Variants in ACOXL observed in about 807,000 individuals in gnomAD.
ACOXL encodes acyl-coenzyme A oxidase-like protein.
Under a neutral mutation model 71.9 loss-of-function variants are expected in ACOXL, and 70 were observed. The observed-to-expected ratio is 0.97, with a 90% CI of 0.80 to 1.19. The LOEUF (loss-of-function observed/expected upper bound fraction) is 1.19. Ranked by LOEUF, ACOXL falls within the 50% of genes most tolerant of loss-of-function variation. The pLI is 0.00. For synonymous variants in ACOXL, 253 were observed against 281.6 expected (o/e 0.90, Z 1.02); for missense variants, 703 against 736.3 (o/e 0.95, Z 0.52).
chr2:111,094,145 T>C (rs1406318300), intron 17 of ACOXL: 1 of 152,076 alleles, frequency 6.6e-6, no homozygotes, highest in Non-Finnish European at 1.5e-5. Flanking sequence ...TAATAAACAA[T>C]AAAGACTTTA....
At chr2:110,808,932 C>G (rs1477176521) in intron 9 of ACOXL, among the ~76,000 whole-genome samples, 1 of 152,240 alleles carries the variant, frequency 6.6e-6, no homozygotes, top group Admixed American at 6.5e-5. Context: ...CAGCTTCACA[C>G]ACAGGGCTGG....
At chr2:110,962,356 G>T (rs749399872) in intron 12 of ACOXL, among the ~76,000 whole-genome samples, 2 of 152,228 alleles carry the variant, frequency 1.3e-5, no homozygotes, top group African/African-American at 4.8e-5. Context: ...TTATTATGGG[G>T]TGGGGGGAAG....
intron 1 of ACOXL, among the ~76,000 whole-genome samples, chr2:110,760,022 A>G (rs183048416): frequency 6.6e-6 from 1 of 152,038 alleles, no homozygotes; most frequent in African/African-American, 2.4e-5. Flanking sequence ...TCTGTATAAA[A>G]GCTATTGATT....
At position 110,995,881 on chromosome 2, in the gene ACOXL, A is replaced by G. The variant is rs577738042; in HGVS notation, c.1170-12A>G. On this transcript the variant is annotated splice_polypyrimidine_tract_variant and intron_variant, in intron 13 of 17. Coordinates refer to ENST00000439055, the MANE Select transcript of ACOXL (RefSeq NM_001142807.4). ...CAAAATAATAATGATGGTCACCGTGATTTTCTTTCAGTTTCCTGGCATTTA... is the reference window on the plus strand; with the variant it reads ...CAAAATAATAATGATGGTCACCGTGGTTTTCTTTCAGTTTCCTGGCATTTA... The G allele has an allele frequency of 9.3e-6, 15 of 1,605,866 alleles. 1 individual carries two copies. The South Asian group carries it at 1.5e-4, about 16-fold the overall frequency.
intron 1 of ACOXL, among the ~76,000 whole-genome samples, chr2:110,738,292 T>C (rs1677113792): frequency 6.6e-6 from 1 of 152,224 alleles, no homozygotes; most frequent in Non-Finnish European, 1.5e-5. Context: ...CATGGAATAA[T>C]AACACACTGT....
chr2:110,850,982 AAAAG>A (rs1268597874), intron 10 of ACOXL, among the ~76,000 whole-genome samples: 8 of 152,302 alleles, frequency 5.3e-5, no homozygotes, highest in Non-Finnish European at 1.0e-4. Context: ...CTCAGCAATA[AAAAG>A]ACATTCTGCT....
At chr2:110,870,597 G>A (rs1365941405) in intron 10 of ACOXL, among the ~76,000 whole-genome samples, 1 of 152,084 alleles carries the variant, frequency 6.6e-6, no homozygotes, top group East Asian at 1.9e-4. Context: ...TAGAACCCAG[G>A]CATTCTGATT....
intron 12 of ACOXL, among the ~76,000 whole-genome samples, chr2:110,950,281 A>C (rs2061278610): frequency 6.6e-6 from 1 of 152,132 alleles, no homozygotes; most frequent in South Asian, 2.1e-4. Context: ...TGAGTGTCCT[A>C]GGTTAGTAGG....
At chr2:110,921,989 A>T (rs2060096537) in intron 11 of ACOXL, among the ~76,000 whole-genome samples, 1 of 152,194 alleles carries the variant, frequency 6.6e-6, no homozygotes, top group African/African-American at 2.4e-5. Context: ...TACACTTAAA[A>T]AGGATGTGTA....
intron 17 of ACOXL, among the ~76,000 whole-genome samples, chr2:111,107,723 T>C (rs1302298604): frequency 6.6e-6 from 1 of 152,224 alleles, no homozygotes; most frequent in Non-Finnish European, 1.5e-5. Context: ...CCCGATCTCA[T>C]GTGATCTGCC....
At position 110,987,203 on chromosome 2, in the gene ACOXL, C is replaced by G. The variant is rs1460278570; in HGVS notation, c.1155C>G (p.Asp385Glu). Residue 385 changes from aspartate to glutamate, a missense_variant, in exon 13 of 18, where the codon GAC becomes GAG. Transcript: ENST00000439055. ...AAAACTGGGCTGAATCTGTGGGGGA[C>G]AAGCTGAGAACCAGGTACGTATTAC... The part of the protein sequence containing the change: ...LLQNWAESVG[D>E]KLRTSFLAFN... The G allele has an allele frequency of 1.3e-6, 2 of 1,573,326 alleles. No homozygotes were observed. The highest frequency in any genetic ancestry group is 8.6e-7 in the Non-Finnish European group (1 of 1,156,444).
chr2:110,755,725 A>G (rs186876084), intron 1 of ACOXL, among the ~76,000 whole-genome samples: 51 of 152,302 alleles, frequency 3.3e-4, no homozygotes, highest in Middle Eastern at 3.4e-3. Context: ...GTTCTTTTTA[A>G]CTATGCAATT....
At chr2:110,902,039 A>AC (rs2059255888) in intron 10 of ACOXL, among the ~76,000 whole-genome samples, 1 of 152,078 alleles carries the variant, frequency 6.6e-6, no homozygotes, top group Non-Finnish European at 1.5e-5. Context: ...TGTCAAAAAA[A>AC]AAAAGAAAAA....
intron 12 of ACOXL, among the ~76,000 whole-genome samples, chr2:110,983,968 C>G (rs753540971): frequency 6.6e-6 from 1 of 152,022 alleles, no homozygotes; most frequent in Non-Finnish European, 1.5e-5. Context: ...TCCTGCTTCC[C>G]GAGTAACTGG....
At chr2:110,889,198 C>A (rs1354161643) in intron 10 of ACOXL, among the ~76,000 whole-genome samples, 1 of 152,146 alleles carries the variant, frequency 6.6e-6, no homozygotes, top group Non-Finnish European at 1.5e-5. Flanking sequence ...CACGAGTGCA[C>A]AAAGTGCCAC....
chr2:110,757,554 C>T (rs747235309), intron 1 of ACOXL, among the ~76,000 whole-genome samples: 9 of 152,162 alleles, frequency 5.9e-5, no homozygotes, highest in South Asian at 2.1e-4. Flanking sequence ...GCAACCTCGC[C>T]GGCATCTGTT....
chr2:110,794,237 C>G, intron 5 of ACOXL, 63 bp downstream of exon 5: 1 of 1,491,604 alleles, frequency 6.7e-7, no homozygotes, highest in Non-Finnish European at 9.3e-7. Context: ...AAACAGATCT[C>G]CTTCTTTCTG....
At chr2:110,880,447 G>C (rs1395887322) in intron 10 of ACOXL, among the ~76,000 whole-genome samples, 1 of 152,188 alleles carries the variant, frequency 6.6e-6, no homozygotes, top group Non-Finnish European at 1.5e-5. Flanking sequence ...TGTTTAGATA[G>C]ACCAGAATTT....
chr2:111,096,077 G>A (rs1411837030), intron 17 of ACOXL, among the ~76,000 whole-genome samples: 1 of 152,126 alleles, frequency 6.6e-6, no homozygotes, highest in Non-Finnish European at 1.5e-5. Context: ...AGAGGAGGCT[G>A]GGCTGATTGG....
Sources: allele counts gnomAD v4.1 joint callset (sites outside exome capture counted in the v4.1 genomes callset), GRCh38; gene constraint gnomAD v4.1.1; transcripts MANE v1.5; gene names NCBI Gene and HGNC (gene_info 2026-07-23, HGNC 2026-07-21).